RAB37: variants seen among roughly 807,000 people sequenced by gnomAD.
The protein encoded by RAB37 is RAB37, member RAS oncogene family.
RAB37 carries 29 observed loss-of-function variants against 33.1 expected under a neutral mutation model. That is an observed-to-expected ratio of 0.88 (90% CI 0.65 to 1.20). The LOEUF (loss-of-function observed/expected upper bound fraction) is 1.20, where lower values mean the gene tolerates loss of function less well. Among genes scored for constraint, RAB37 ranks in the 50% most tolerant of loss-of-function variants. RAB37 has a pLI of 0.00. For missense variants in RAB37, 299 were observed against 301.1 expected (o/e 0.99, Z 0.05); for synonymous variants, 128 against 119.5 (o/e 1.07, Z -0.47).
intron 1 of RAB37, among the ~76,000 whole-genome samples, chr17:74,697,515 G>C (rs1483547470): frequency 1.3e-5 from 2 of 152,328 alleles, no homozygotes; most frequent in Middle Eastern, 3.4e-3. Flanking sequence ...AACTAACAGA[G>C]AGTCAGGCTC....
Position 74,744,659 on chromosome 17 carries a change from C to T in RAB37, c.433-214C>T. The T allele has an allele frequency of 1.6e-6, 1 of 640,864 alleles. No individual in the cohort carries two copies. The highest frequency in any genetic ancestry group is 2.7e-5 in the Admixed American group (1 of 36,652). The allele number at this position is 640,864 out of a possible 1,614,324, so 39.7% of individuals were successfully genotyped here. On this transcript the variant is annotated intron_variant, in intron 6 of 8. Transcript: ENST00000392613. This position sits in a 1 kb window ranked among gnomAD's most constrained non-coding sequence, Gnocchi z 4.2. The stretch of plus-strand genomic sequence containing the variant: ...GGGCTAAGAGTGCAAAGGGTTAGCC[C>T]CAACTGCTGTCCTATTCCAAGACCC...
chr17:74,691,990 C>T (rs945132625), intron 1 of RAB37, among the ~76,000 whole-genome samples: 1 of 151,916 alleles, frequency 6.6e-6, no homozygotes, highest in Non-Finnish European at 1.5e-5. Context: ...CTCGGCCTCC[C>T]AAGTAGCTAG....
Position 74,729,397 on chromosome 17 carries a change from G to GCCTGGGCT in RAB37, c.183+33_183+40dup. On this transcript the variant is annotated intron_variant, in intron 2 of 7. Transcript: ENST00000340415. The surrounding 1 kb of genome is among the most constrained non-coding windows in gnomAD (Gnocchi z 4.2). ...CACTGGCCGGCACTGCCAGCTCTGG[G>GCCTGGGCT]CCTGGGCTCAGGACCCCAGCGTGTT... 6.5e-7 allele frequency: 1 copy of GCCTGGGCT among 1,527,594 alleles called. No homozygotes were observed. The highest frequency in any genetic ancestry group is 9.1e-7 in the Non-Finnish European group (1 of 1,101,114). The allele number at this position is 1,527,594 out of a possible 1,614,324, so 94.6% of individuals were successfully genotyped here.
At position 74,676,508 on chromosome 17, in the gene RAB37, T is replaced by C. The variant is rs1314822403; in HGVS notation, c.72+4850T>C. 1.3e-5 allele frequency among the ~76,000 whole-genome samples: 2 copies of C among 152,186 alleles called. No individual in the cohort carries two copies. Among genetic ancestry groups the C allele is most frequent in the Admixed American group, 1.3e-4 (2 of 15,288 alleles). Reference sequence around the variant, plus strand: ...AAGGCAAGCAGGTAATATCTGCCACTCTCCCCCATCTCCTGCACTTATTCT... The same window carrying C: ...AAGGCAAGCAGGTAATATCTGCCACCCTCCCCCATCTCCTGCACTTATTCT... On this transcript the variant is annotated intron_variant, in intron 1 of 7. Transcript: ENST00000340415. This position sits in a 1 kb window ranked among gnomAD's most constrained non-coding sequence, Gnocchi z 4.1.
intron 1 of RAB37, chr17:74,696,166 C>A (rs762952216): frequency 6.3e-7 from 1 of 1,592,156 alleles, no homozygotes; most frequent in South Asian, 1.1e-5. Flanking sequence ...TGCCTGGTCT[C>A]TCTGGTCCGA....
intron 1 of RAB37, among the ~76,000 whole-genome samples, chr17:74,683,496 G>A (rs184433862): frequency 6.6e-6 from 1 of 152,194 alleles, no homozygotes; most frequent in Non-Finnish European, 1.5e-5. Flanking sequence ...ACCAAACAAG[G>A]CCAACTTTAT....
intron 1 of RAB37, among the ~76,000 whole-genome samples, chr17:74,682,943 TG>T (rs1227191730): frequency 7.2e-5 from 11 of 151,888 alleles, no homozygotes; most frequent in Non-Finnish European, 4.4e-5. Flanking sequence ...CCAGGGAAAA[TG>T]GGATGGTGTC....
chr17:74,735,204 GAGGA>G (rs1404410651), upstream of RAB37, among the ~76,000 whole-genome samples: 1 of 138,806 alleles, frequency 7.2e-6, no homozygotes. Flanking sequence ...GGAAGGGAGG[GAGGA>G]AGGGAGGAGA....
chr17:74,721,223 A>T (rs1294128597), intron 1 of RAB37, among the ~76,000 whole-genome samples: 3 of 152,198 alleles, frequency 2.0e-5, no homozygotes, highest in African/African-American at 7.2e-5. Flanking sequence ...TTGAGGGTGG[A>T]GCCATCGCCA....
At chr17:74,703,184 C>T in intron 1 of RAB37, 1 of 1,554,380 alleles carries the variant, frequency 6.4e-7, no homozygotes, top group Middle Eastern at 2.1e-4. Flanking sequence ...TCACAGATGC[C>T]CCTGCCCATG....
intron 1 of RAB37, among the ~76,000 whole-genome samples, chr17:74,681,118 A>G (rs1471681382): frequency 6.6e-6 from 1 of 152,264 alleles, no homozygotes; most frequent in Non-Finnish European, 1.5e-5. Context: ...GGGATGGCAC[A>G]GGCAGAGATG....
intron 1 of RAB37, among the ~76,000 whole-genome samples, chr17:74,687,332 T>C (rs1483861047): frequency 4.6e-5 from 7 of 152,106 alleles, no homozygotes; most frequent in Non-Finnish European, 8.8e-5. Context: ...CAAGCAATTC[T>C]CCTTTCTCGG....
intron 1 of RAB37, among the ~76,000 whole-genome samples, chr17:74,724,018 G>A (rs896435512): frequency 1.3e-5 from 2 of 152,210 alleles, no homozygotes; most frequent in Admixed American, 6.5e-5. Context: ...CAGCTGTTGG[G>A]TGGCGAGAGA....
At chr17:74,688,956 A>T (rs2032106765) in intron 1 of RAB37, among the ~76,000 whole-genome samples, 1 of 152,236 alleles carries the variant, frequency 6.6e-6, no homozygotes, top group Non-Finnish European at 1.5e-5. Flanking sequence ...CTACATCAAA[A>T]TACTTGCTAA....
intron 1 of RAB37, among the ~76,000 whole-genome samples, chr17:74,682,798 G>A (rs1267228150): frequency 6.6e-6 from 1 of 152,216 alleles, no homozygotes; most frequent in Admixed American, 6.5e-5. Flanking sequence ...CAGCTACTCA[G>A]GAAGCTGAGG....
chr17:74,744,829 G>T lies in RAB37; in HGVS notation c.433-44G>T, dbSNP rs572142103. The T allele has an allele frequency of 1.1e-4, 182 of 1,612,400 alleles. 1 individual carries two copies. In the South Asian group the frequency reaches 1.7e-3, roughly 15 times the overall value. ...CTGGGGCAAAATATGGGCCCGCTGGGGCGGAGGCCTCCTTCCCCAGAGTGA... is the reference window on the plus strand; with the variant it reads ...CTGGGGCAAAATATGGGCCCGCTGGTGCGGAGGCCTCCTTCCCCAGAGTGA... On this transcript the variant is annotated intron_variant, in intron 6 of 8. Transcript: ENST00000392613. The surrounding 1 kb of genome is among the most constrained non-coding windows in gnomAD (Gnocchi z 4.2).
intron 1 of RAB37, among the ~76,000 whole-genome samples, chr17:74,686,340 G>A (rs540885528): frequency 5.9e-5 from 9 of 151,798 alleles, no homozygotes; most frequent in African/African-American, 1.9e-4. Flanking sequence ...CAACCCACAC[G>A]CCTCAGCCTC....
At chr17:74,736,855 C>G (rs1055855148), upstream of RAB37, 3 of 1,523,914 alleles carry the variant, frequency 2.0e-6, no homozygotes, top group African/African-American at 4.1e-5. Flanking sequence ...CTCCCCGCCT[C>G]GCCACCTGGG....
intron 1 of RAB37, among the ~76,000 whole-genome samples, chr17:74,722,101 G>T (rs1476215447): frequency 6.6e-6 from 1 of 151,964 alleles, no homozygotes; most frequent in Non-Finnish European, 1.5e-5. Flanking sequence ...CGAGACCACA[G>T]TGAAACCCCA....
Sources: allele counts gnomAD v4.1 joint callset (sites outside exome capture counted in the v4.1 genomes callset), GRCh38; gene constraint gnomAD v4.1.1; non-coding constraint Gnocchi (gnomAD v3.1); transcripts MANE v1.5; gene names NCBI Gene and HGNC (gene_info 2026-07-23, HGNC 2026-07-21).